Variants in ASIC2 observed in about 807,000 individuals in gnomAD.
ASIC2 encodes the protein acid sensing ion channel subunit 2.
In ASIC2, 25 loss-of-function variants were observed where a neutral mutation model predicts 57.3. The ratio of observed to expected loss-of-function variants is 0.44; its 90% CI spans 0.32 to 0.61. The LOEUF (loss-of-function observed/expected upper bound fraction) is 0.61. Among genes scored for constraint, ASIC2 ranks in the 20% least tolerant of loss-of-function variants. ASIC2 has a pLI of 0.06. For synonymous variants in ASIC2, 319 were observed against 307.5 expected (o/e 1.04, Z -0.39); for missense variants, 641 against 738.1 (o/e 0.87, Z 1.52).
chr17:33,015,139 T>C (rs112873818), intron 9 of ASIC2, among the ~76,000 whole-genome samples: 5,733 of 152,152 alleles, frequency 0.038, 361 homozygotes, highest in African/African-American at 0.13. Flanking sequence ...GGAATCCATA[T>C]AGGGAGAAGG....
intron 1 of ASIC2, among the ~76,000 whole-genome samples, chr17:33,344,964 G>C (rs1907886795): frequency 6.6e-6 from 1 of 151,320 alleles, no homozygotes; most frequent in Non-Finnish European, 1.5e-5. Flanking sequence ...ACAGCGGCTT[G>C]AATTAACAAA....
intron 1 of ASIC2, among the ~76,000 whole-genome samples, chr17:33,892,687 A>T (rs1914995267): frequency 6.6e-6 from 1 of 152,244 alleles, no homozygotes; most frequent in Non-Finnish European, 1.5e-5. Flanking sequence ...TCTCCAACAC[A>T]GTTCCTGGCA....
intron 1 of ASIC2, among the ~76,000 whole-genome samples, chr17:34,010,371 C>A (rs1906670290): frequency 6.6e-6 from 1 of 152,144 alleles, no homozygotes; most frequent in South Asian, 2.1e-4. Context: ...GTGGCCTCCC[C>A]TTCTGAAAAG....
rs761533543 is a variant in ASIC2, at chr17:33,291,627, G to A, written c.489C>T (p.Pro163=). ...TGACAAGCGGGCGCGCGGTGCGGTT[G>A]GGCAGCAGCAGCCCGAGCCAGTGGC... is the stretch of plus-strand genomic sequence containing the variant. ...YAGHWLGLLL[P]NRTARPLVSE... Residue 163 remains proline, a synonymous_variant, in exon 1 of 10, where the codon CCC becomes CCT. Transcript: ENST00000225823. The A allele has an allele frequency of 1.2e-6, 2 of 1,609,226 alleles. No individual in the cohort carries two copies. The highest frequency in any genetic ancestry group is 1.3e-5 in the African/African-American group (1 of 74,962).
At chr17:33,524,239 G>A (rs1338767075) in intron 1 of ASIC2, among the ~76,000 whole-genome samples, 2 of 152,166 alleles carry the variant, frequency 1.3e-5, no homozygotes, top group African/African-American at 4.8e-5. Flanking sequence ...ACCGTTGTTG[G>A]GTTCCTTATA....
At chr17:33,400,126 T>C (rs1460045468) in intron 1 of ASIC2, among the ~76,000 whole-genome samples, 1 of 152,162 alleles carries the variant, frequency 6.6e-6, no homozygotes, top group Non-Finnish European at 1.5e-5. Flanking sequence ...AAATTTGGTT[T>C]CCCCACCAAT....
At chr17:33,364,276 T>A (rs577137828) in intron 1 of ASIC2, among the ~76,000 whole-genome samples, 1 of 152,300 alleles carries the variant, frequency 6.6e-6, no homozygotes, top group East Asian at 1.9e-4. Flanking sequence ...TTCTGATCAA[T>A]AAGAATTGGA....
At chr17:34,069,412 T>TCTTCCTCTCTTTTCTTC (rs1909313955) in intron 1 of ASIC2, 1 of 152,110 alleles carries the variant, frequency 6.6e-6, no homozygotes, top group Non-Finnish European at 1.5e-5. Context: ...TCTCTTTCTT[T>TCTTCCTCTCTTTTCTTC]CTTCCTCTCT....
intron 1 of ASIC2, among the ~76,000 whole-genome samples, chr17:33,549,295 C>T (rs1915675350): frequency 6.6e-6 from 1 of 152,130 alleles, no homozygotes; most frequent in Non-Finnish European, 1.5e-5. Context: ...AGACAGGGTG[C>T]ATCTTAACTC....
chr17:33,716,800 T>A (rs750200816), intron 1 of ASIC2, among the ~76,000 whole-genome samples: 3 of 152,232 alleles, frequency 2.0e-5, no homozygotes, highest in Non-Finnish European at 4.4e-5. Context: ...TTGTATGGAT[T>A]CTTCTCCTCA....
At chr17:33,252,084 C>G (rs747764587) in intron 1 of ASIC2, among the ~76,000 whole-genome samples, 2 of 152,146 alleles carry the variant, frequency 1.3e-5, no homozygotes, top group African/African-American at 2.4e-5. Flanking sequence ...GCATGAAGAA[C>G]TGGGGTCTTG....
At chr17:33,881,934 A>G (rs914070740) in intron 1 of ASIC2, among the ~76,000 whole-genome samples, 94 of 152,222 alleles carry the variant, frequency 6.2e-4, no homozygotes, top group Non-Finnish European at 6.0e-4. Context: ...GGAACAGAAC[A>G]GAGCCCTCAG....
intron 1 of ASIC2, among the ~76,000 whole-genome samples, chr17:33,832,510 T>C (rs1365414400): frequency 6.6e-6 from 1 of 152,148 alleles, no homozygotes; most frequent in Admixed American, 6.5e-5. Flanking sequence ...ACACTGGCAG[T>C]GAGATAGAGA....
intron 1 of ASIC2, among the ~76,000 whole-genome samples, chr17:33,759,770 T>G (rs1910723060): frequency 6.6e-6 from 1 of 152,182 alleles, no homozygotes; most frequent in Non-Finnish European, 1.5e-5. Flanking sequence ...TGGCTTGTGC[T>G]GCCGCTCTAG....
At chr17:34,056,218 A>G (rs961985105) in intron 1 of ASIC2, among the ~76,000 whole-genome samples, 3 of 152,194 alleles carry the variant, frequency 2.0e-5, no homozygotes, top group African/African-American at 7.2e-5. Context: ...GCAACATCCA[A>G]GGATTTCCAT....
intron 1 of ASIC2, among the ~76,000 whole-genome samples, chr17:33,401,864 CA>C (rs1910297653): frequency 1.3e-5 from 2 of 152,082 alleles, no homozygotes. Flanking sequence ...CACAAAGTAA[CA>C]AAAGGAAATT....
intron 1 of ASIC2, among the ~76,000 whole-genome samples, chr17:33,223,498 A>T (rs1347552870): frequency 6.6e-6 from 1 of 152,158 alleles, no homozygotes; most frequent in Non-Finnish European, 1.5e-5. Flanking sequence ...TTTCTAATGT[A>T]TGTCCCTTAA....
In ASIC2 at chr17:33,232,794, G is replaced by A. The variant is rs560695510; in HGVS notation, c.708+58614C>T. ...TGCATCTCTGTGGCCACTTCTGAAC[G>A]CTAAGAGAGGAGAGAGATGGACACA... On this transcript the variant is annotated intron_variant, in intron 1 of 9. Coordinates refer to ENST00000225823, the MANE Select transcript of ASIC2 (RefSeq NM_183377.2). Among the ~76,000 whole-genome samples the A allele has an allele frequency of 1.6e-3, 250 of 152,246 alleles. 1 individual carries two copies. The highest frequency in any genetic ancestry group is 5.4e-3 in the African/African-American group (226 of 41,554).
intron 2 of ASIC2, 99 bp downstream of exon 2, chr17:33,111,818 G>C: frequency 6.8e-6 from 10 of 1,471,630 alleles, no homozygotes; most frequent in Non-Finnish European, 8.2e-6. Context: ...CTGGAGAGCA[G>C]TCCCTCACAG....
Sources: allele counts gnomAD v4.1 joint callset (sites outside exome capture counted in the v4.1 genomes callset), GRCh38; gene constraint gnomAD v4.1.1; transcripts MANE v1.5; gene names NCBI Gene and HGNC (gene_info 2026-07-23, HGNC 2026-07-21).